ITPR1: variants seen among roughly 807,000 people sequenced by gnomAD.
ITPR1 encodes the protein inositol 1,4,5-trisphosphate-gated calcium channel ITPR1.
Under a neutral mutation model 318.4 loss-of-function variants are expected in ITPR1, and 96 were observed. The ratio of observed to expected loss-of-function variants is 0.30; its 90% CI spans 0.26 to 0.36. ITPR1 has a LOEUF of 0.36. ITPR1 is among the 10% of genes least tolerant of loss of function. The pLI is 1.00. For synonymous variants in ITPR1, 1,312 were observed against 1,289.9 expected (o/e 1.02, Z -0.37); for missense variants, 2,440 against 3,460.2 (o/e 0.71, Z 7.40).
At chr3:4,515,281 G>A (rs1032318080) in intron 2 of ITPR1, among the ~76,000 whole-genome samples, 1 of 152,126 alleles carries the variant, frequency 6.6e-6, no homozygotes, top group African/African-American at 2.4e-5. Flanking sequence ...AATTCTTCCT[G>A]AAAGAAAACT....
chr3:4,715,682 G>A (rs1256669795), intron 39 of ITPR1, among the ~76,000 whole-genome samples: 6 of 152,102 alleles, frequency 3.9e-5, no homozygotes, highest in Admixed American at 2.0e-4. Flanking sequence ...GAGAAACCCC[G>A]TCTCTACTAA....
chr3:4,727,028 A>G (rs915705226), intron 41 of ITPR1, 98 bp from the exon 42 acceptor site: 20 of 983,086 alleles, frequency 2.0e-5, no homozygotes, highest in South Asian at 4.0e-5. Flanking sequence ...ACTCTTGTCT[A>G]TATATGAACT....
intron 2 of ITPR1, among the ~76,000 whole-genome samples, chr3:4,501,850 C>T (rs1249917447): frequency 6.6e-6 from 1 of 152,244 alleles, no homozygotes; most frequent in Non-Finnish European, 1.5e-5. Context: ...TGTTCACCTG[C>T]TGTCATGGGA....
chr3:4,594,780 T>C (rs942676981), intron 4 of ITPR1, among the ~76,000 whole-genome samples: 2 of 152,114 alleles, frequency 1.3e-5, no homozygotes, highest in Non-Finnish European at 2.9e-5. Context: ...CAGGAGTGTT[T>C]TAATCTGGGC....
chr3:4,702,386 T>G (rs2094674387), intron 35 of ITPR1, among the ~76,000 whole-genome samples: 1 of 152,362 alleles, frequency 6.6e-6, no homozygotes, highest in South Asian at 2.1e-4. Context: ...TGGGTTCTAC[T>G]CAGTGGATAT....
At chr3:4,782,810 G>GC in intron 50 of ITPR1, 69 bp downstream of exon 50, 1 of 1,374,226 alleles carries the variant, frequency 7.3e-7, no homozygotes, top group Non-Finnish European at 9.6e-7. Flanking sequence ...GCTGGAGGGT[G>GC]CCCCCAGTCT....
intron 3 of ITPR1, among the ~76,000 whole-genome samples, chr3:4,516,982 A>G (rs894649206): frequency 1.9e-4 from 29 of 152,198 alleles, no homozygotes; most frequent in African/African-American, 6.3e-4. Context: ...TGACTCCTTT[A>G]TAATATAAGC....
At chr3:4,515,125 G>T (rs1256623779) in intron 2 of ITPR1, among the ~76,000 whole-genome samples, 1 of 152,158 alleles carries the variant, frequency 6.6e-6, no homozygotes, top group Non-Finnish European at 1.5e-5. Context: ...TGGAGGGGAG[G>T]GAAGGGGATG....
intron 44 of ITPR1, among the ~76,000 whole-genome samples, chr3:4,755,267 G>C (rs1376477875): frequency 6.6e-6 from 1 of 151,738 alleles, no homozygotes; most frequent in Non-Finnish European, 1.5e-5. Context: ...ACAGGGTGGA[G>C]GGGGACCACG....
chr3:4,761,903 G>A (rs1329617783), intron 44 of ITPR1, among the ~76,000 whole-genome samples: 3 of 152,334 alleles, frequency 2.0e-5, no homozygotes, highest in East Asian at 3.9e-4. Flanking sequence ...GTCTGTGACT[G>A]TGTGGAGGGC....
chr3:4,552,563 T>C (rs1272288797), intron 4 of ITPR1, among the ~76,000 whole-genome samples: 1 of 152,198 alleles, frequency 6.6e-6, no homozygotes, highest in African/African-American at 2.4e-5. Context: ...TGGGGCCCAC[T>C]ATCCTCCCAG....
At chr3:4,617,842 A>G (rs2092447223) in intron 4 of ITPR1, among the ~76,000 whole-genome samples, 1 of 146,712 alleles carries the variant, frequency 6.8e-6, no homozygotes, top group African/African-American at 2.5e-5. Flanking sequence ...AAAAAAAAAA[A>G]GGCTTACAGG....
chr3:4,705,812 C>G (rs2094744710), intron 36 of ITPR1, among the ~76,000 whole-genome samples: 1 of 152,152 alleles, frequency 6.6e-6, no homozygotes. Flanking sequence ...GATTCATTGG[C>G]CAAACGAGTT....
At chr3:4,533,227 GA>G (rs1400879590) in intron 4 of ITPR1, among the ~76,000 whole-genome samples, 1 of 152,120 alleles carries the variant, frequency 6.6e-6, no homozygotes, top group Non-Finnish European at 1.5e-5. Context: ...TGAACAAATA[GA>G]AAAAAACAAT....
intron 4 of ITPR1, among the ~76,000 whole-genome samples, chr3:4,540,899 A>G (rs2084381296): frequency 6.6e-6 from 1 of 151,804 alleles, no homozygotes; most frequent in African/African-American, 2.4e-5. Context: ...GGTTTTTTTC[A>G]TTGTTGTTCT....
At chr3:4,556,048 A>G (rs1429430208) in intron 4 of ITPR1, among the ~76,000 whole-genome samples, 1 of 152,226 alleles carries the variant, frequency 6.6e-6, no homozygotes, top group Non-Finnish European at 1.5e-5. Context: ...GCAAATATTA[A>G]CTATGTGATG....
At chr3:4,609,085 T>TAC (rs1200513116) in intron 4 of ITPR1, among the ~76,000 whole-genome samples, 27 of 91,350 alleles carry the variant, frequency 3.0e-4, no homozygotes, top group African/African-American at 7.8e-4. Flanking sequence ...TATATATATA[T>TAC]ATATACACAC....
intron 14 of ITPR1, 94 bp from the exon 15 acceptor site, chr3:4,661,987 TG>T: frequency 9.4e-7 from 1 of 1,066,844 alleles, no homozygotes; most frequent in Non-Finnish European, 1.4e-6. Flanking sequence ...TCTAGTATCT[TG>T]GGATCAGCCA....
In ITPR1 at chr3:4,690,317, T is replaced by TG. The variant is rs373985789; in HGVS notation, c.3829-826dup. Among the ~76,000 whole-genome samples, 488 of 152,218 alleles carry TG rather than the reference T, an allele frequency of 3.2e-3. 3 individuals are homozygous for TG. The highest frequency in any genetic ancestry group is 0.011 in the African/African-American group (463 of 41,536). On this transcript the variant is annotated intron_variant, in intron 31 of 61. Coordinates refer to ENST00000649015, the MANE Select transcript of ITPR1 (RefSeq NM_001378452.1). ...AATAAGAACGTAAAGGCAAAAAACT[T>TG]GAACAGACACCCTGTTGGAGAGGAT...
Sources: allele counts gnomAD v4.1 joint callset (sites outside exome capture counted in the v4.1 genomes callset), GRCh38; gene constraint gnomAD v4.1.1; transcripts MANE v1.5; gene names NCBI Gene and HGNC (gene_info 2026-07-23, HGNC 2026-07-21).